Variants in TPO observed in about 807,000 individuals in gnomAD.
TPO encodes thyroid microsomal antigen.
In TPO, 78 loss-of-function variants were observed where a neutral mutation model predicts 96.9. The observed-to-expected ratio is 0.81, with a 90% CI of 0.67 to 0.97. The LOEUF (loss-of-function observed/expected upper bound fraction) is 0.97. Among genes scored for constraint, TPO ranks in the 50% least tolerant of loss-of-function variants. The pLI, the probability that TPO is intolerant of heterozygous loss-of-function variation, is 0.00. For missense variants in TPO, 1,252 were observed against 1,274.8 expected, an observed-to-expected ratio of 0.98 and a Z score of 0.27; for synonymous variants, 547 against 538.0, an observed-to-expected ratio of 1.02 and a Z score of -0.23.
chr2:1,439,996 C>G (rs1665984325), intron 5 of TPO, among the ~76,000 whole-genome samples: 1 of 152,210 alleles, frequency 6.6e-6, no homozygotes, highest in Non-Finnish European at 1.5e-5. Flanking sequence ...CAGCGGTCTC[C>G]TAAGCCGCTT....
intron 1 of TPO, among the ~76,000 whole-genome samples, chr2:1,381,029 G>A (rs943776007): frequency 6.6e-6 from 1 of 152,150 alleles, no homozygotes; most frequent in African/African-American, 2.4e-5. Context: ...GAACGTGCAG[G>A]TTTGTTATAT....
intron 7 of TPO, among the ~76,000 whole-genome samples, chr2:1,473,408 T>C (rs1669616148): frequency 6.6e-6 from 1 of 152,222 alleles, no homozygotes. Context: ...CAGATTCATC[T>C]GTTCTTGTTG....
intron 1 of TPO, among the ~76,000 whole-genome samples, chr2:1,384,181 A>T (rs1364052497): frequency 6.6e-6 from 1 of 152,136 alleles, no homozygotes; most frequent in African/African-American, 2.4e-5. Flanking sequence ...TTGGCTTAGG[A>T]TTGACCTGGC....
intron 3 of TPO, among the ~76,000 whole-genome samples, chr2:1,428,543 A>G (rs1456304877): frequency 6.6e-6 from 1 of 152,178 alleles, no homozygotes; most frequent in Non-Finnish European, 1.5e-5. Flanking sequence ...TCAGTTTCCC[A>G]GACCCCTGCT....
Position 1,515,177 on chromosome 2 carries a change from G to A in TPO, c.2519-1706G>A, listed in dbSNP as rs13012709. Among the ~76,000 whole-genome samples, 409 of 152,200 alleles carry A rather than the reference G, an allele frequency of 2.7e-3. 2 individuals carry two copies. The highest frequency in any genetic ancestry group is 3.7e-3 in the Non-Finnish European group (252 of 68,000). ...GGCCTCGATCAGCTCAGCCTTCCCC[G>A]CACCCCCAGCCCCAGGCACACAGGC... On this transcript the variant is annotated intron_variant, in intron 14 of 16. Coordinates refer to ENST00000329066, the MANE Select transcript of TPO (RefSeq NM_001206744.2).
upstream of TPO, among the ~76,000 whole-genome samples, chr2:1,410,714 A>AC (rs1662319588): frequency 6.6e-6 from 1 of 151,614 alleles, no homozygotes; most frequent in African/African-American, 2.4e-5. Context: ...CTTCACTGAG[A>AC]CCTGCTTGTA....
At chr2:1,479,656 A>G (rs1264652190) in intron 8 of TPO, among the ~76,000 whole-genome samples, 1 of 152,160 alleles carries the variant, frequency 6.6e-6, no homozygotes, top group Non-Finnish European at 1.5e-5. Context: ...TAGATTAGAG[A>G]CAGTTTAATT....
At chr2:1,534,462 C>T (rs1300895319) in intron 15 of TPO, among the ~76,000 whole-genome samples, 1 of 56,608 alleles carries the variant, frequency 1.8e-5, no homozygotes, top group Non-Finnish European at 3.6e-5. Context: ...AATCTCAAAT[C>T]CCTCCCACTC....
intron 15 of TPO, among the ~76,000 whole-genome samples, chr2:1,540,281 G>A (rs116362238): frequency 6.6e-6 from 1 of 152,154 alleles, no homozygotes; most frequent in East Asian, 1.9e-4. Context: ...GGCAGTGACT[G>A]GGGGGAAATC....
intron 14 of TPO, among the ~76,000 whole-genome samples, chr2:1,507,151 C>T (rs1398026967): frequency 6.6e-6 from 1 of 152,120 alleles, no homozygotes; most frequent in African/African-American, 2.4e-5. Context: ...AATCATTTCC[C>T]CATTGTTGTT....
intron 4 of TPO, among the ~76,000 whole-genome samples, chr2:1,434,550 G>A (rs756360720): frequency 3.9e-5 from 6 of 152,108 alleles, no homozygotes; most frequent in South Asian, 2.1e-4. Context: ...GTCCTGTTAC[G>A]GGACACTGTC....
At chr2:1,422,316 A>AGACCTCGTGCAGGCGCCGCGCTGGACC (rs1663683531) in intron 2 of TPO, among the ~76,000 whole-genome samples, 15 of 68,426 alleles carry the variant, frequency 2.2e-4, no homozygotes, top group African/African-American at 7.3e-4. Flanking sequence ...TCTCCTGGAC[A>AGACCTCGTGCAGGCGCCGCGCTGGACC]GACCTCGTGC....
chr2:1,374,671 C>T (rs533784240), intron 1 of TPO, among the ~76,000 whole-genome samples: 1 of 151,906 alleles, frequency 6.6e-6, no homozygotes, highest in African/African-American at 2.4e-5. Flanking sequence ...AAGAACATCA[C>T]ACCAGAAAAC....
chr2:1,471,843 C>A (rs899625947), intron 7 of TPO, among the ~76,000 whole-genome samples: 8 of 152,180 alleles, frequency 5.3e-5, no homozygotes, highest in Admixed American at 4.6e-4. Context: ...TTGCTATGAT[C>A]TCAGCACTCA....
rs1670176929 is a variant in TPO at position 1,478,266 on chromosome 2, T to A, written c.1338+662T>A. On this transcript the variant is annotated intron_variant, in intron 8 of 16. Coordinates refer to ENST00000329066, the MANE Select transcript of TPO (RefSeq NM_001206744.2). ...AGCACTTATGCACCTGGAAATGCGGTCCCTGACTCTAGGGGTCTCACAGGT... is the reference window on the plus strand; with the variant it reads ...AGCACTTATGCACCTGGAAATGCGGACCCTGACTCTAGGGGTCTCACAGGT... 19 of 985,298 alleles carry A rather than the reference T, an allele frequency of 1.9e-5. No individual in the cohort carries two copies. In the South Asian group the frequency reaches 8.5e-4, roughly 44 times the overall value. The allele number at this position is 985,298 out of a possible 1,614,324, so 61.0% of individuals were successfully genotyped here.
chr2:1,378,322 T>C (rs535438281), intron 1 of TPO, among the ~76,000 whole-genome samples: 21 of 152,320 alleles, frequency 1.4e-4, no homozygotes, highest in African/African-American at 5.1e-4. Context: ...TGGTTCCCTC[T>C]CCAGTTTCTG....
chr2:1,508,180 A>C (rs533575839), intron 14 of TPO, among the ~76,000 whole-genome samples: 41 of 152,214 alleles, frequency 2.7e-4, no homozygotes, highest in African/African-American at 9.4e-4. Context: ...TATATGCTGG[A>C]TTACATTTAT....
rs111807695 is a variant in TPO, at chr2:1,460,085, G to A, written c.819+3803G>A. On this transcript the variant is annotated intron_variant, in intron 7 of 16. Transcript: ENST00000329066. ...TGAGTAGCTGGGACTACAGGCATGC[G>A]CCACCATGCCTGGCTAATTTTTCTA... is the stretch of plus-strand genomic sequence containing the variant. 3.3e-3 allele frequency among the ~76,000 whole-genome samples: 500 copies of A among 152,084 alleles called. 6 individuals are homozygous for A. The highest frequency in any genetic ancestry group is 0.011 in the African/African-American group (477 of 41,488).
chr2:1,389,351 C>A (rs1558243854), intron 1 of TPO, among the ~76,000 whole-genome samples: 1 of 152,168 alleles, frequency 6.6e-6, no homozygotes, highest in East Asian at 1.9e-4. Context: ...GTATTTGCAA[C>A]TTCATCTTCC....
Sources: gnomAD v4.1 joint callset for allele counts (sites outside exome capture counted in the v4.1 genomes callset) on GRCh38, gnomAD v4.1.1 for gene constraint, MANE v1.5 for transcripts, NCBI Gene and HGNC (gene_info 2026-07-23, HGNC 2026-07-21) for gene names.